Variants in BANK1 observed in about 807,000 individuals in gnomAD.
BANK1 encodes the protein B cell scaffold protein with ankyrin repeats 1, also known as B-cell scaffold protein with ankyrin repeats.
Under a neutral mutation model 94.5 loss-of-function variants are expected in BANK1, and 95 were observed. The observed-to-expected ratio is 1.00, with a 90% confidence interval of 0.85 to 1.19. The LOEUF (loss-of-function observed/expected upper bound fraction) is 1.19. Among genes scored for constraint, BANK1 ranks in the 50% most tolerant of loss-of-function variants. The pLI is 0.00. For missense variants in BANK1, 987 were observed against 932.2 expected, an observed-to-expected ratio of 1.06 and a Z score of -0.77; for synonymous variants, 334 against 308.4, an observed-to-expected ratio of 1.08 and a Z score of -0.87.
chr4:101,983,514 A>G (rs975201763), intron 7 of BANK1, among the ~76,000 whole-genome samples: 1 of 152,140 alleles, frequency 6.6e-6, no homozygotes, highest in Admixed American at 6.6e-5. Flanking sequence ...TTAATGTAAT[A>G]AAGTGCTTAC....
At chr4:101,830,771 A>T (rs1422008916) in intron 2 of BANK1, among the ~76,000 whole-genome samples, 2 of 152,156 alleles carry the variant, frequency 1.3e-5, no homozygotes, top group African/African-American at 4.8e-5. Context: ...GCTAGGTGTG[A>T]AAGGGGTGCT....
chr4:101,923,408 C>T (rs1723063198), intron 7 of BANK1, among the ~76,000 whole-genome samples: 1 of 151,688 alleles, frequency 6.6e-6, no homozygotes, highest in Admixed American at 6.6e-5. Context: ...ACTAAAGCTG[C>T]TCTGTCAAAA....
At chr4:101,829,456 GC>G (rs1726516412) in intron 1 of BANK1, among the ~76,000 whole-genome samples, 2 of 151,108 alleles carry the variant, frequency 1.3e-5, no homozygotes, top group South Asian at 4.2e-4. Context: ...AAAATATCAA[GC>G]TTTTCTTTTG....
At chr4:101,993,480 G>T (rs1214086513) in intron 7 of BANK1, among the ~76,000 whole-genome samples, 1 of 152,156 alleles carries the variant, frequency 6.6e-6, no homozygotes, top group African/African-American at 2.4e-5. Flanking sequence ...TGGTAAACTG[G>T]GGCGTGGAGG....
intron 1 of BANK1, among the ~76,000 whole-genome samples, chr4:101,815,019 G>A (rs1213635002): frequency 6.6e-6 from 1 of 152,130 alleles, no homozygotes; most frequent in Non-Finnish European, 1.5e-5. Flanking sequence ...GAGTTGTTAA[G>A]CAGTATTAAG....
At chr4:101,864,815 G>A (rs1318849281) in intron 4 of BANK1, among the ~76,000 whole-genome samples, 1 of 152,176 alleles carries the variant, frequency 6.6e-6, no homozygotes, top group African/African-American at 2.4e-5. Flanking sequence ...CAGGCTTGAG[G>A]GGAGGAGGAC....
chr4:102,027,958 A>G (rs889956166), intron 9 of BANK1, among the ~76,000 whole-genome samples: 2 of 152,178 alleles, frequency 1.3e-5, no homozygotes, highest in African/African-American at 2.4e-5. Context: ...TCTTGACCCA[A>G]TTACTTCAAA....
chr4:101,904,974 A>G (rs1187749402), intron 6 of BANK1, among the ~76,000 whole-genome samples: 2 of 152,216 alleles, frequency 1.3e-5, no homozygotes, highest in Non-Finnish European at 1.5e-5. Context: ...TTTATCAGTA[A>G]TTTGATTTAC....
chr4:101,842,604 T>G (rs1029433904), intron 2 of BANK1, among the ~76,000 whole-genome samples: 1 of 152,226 alleles, frequency 6.6e-6, no homozygotes. Flanking sequence ...AAAATAATTT[T>G]TAGGCTACTT....
chr4:102,032,020 A>T (rs1727336187), intron 10 of BANK1, among the ~76,000 whole-genome samples: 1 of 152,216 alleles, frequency 6.6e-6, no homozygotes, highest in African/African-American at 2.4e-5. Flanking sequence ...TGTCTAGATT[A>T]TAGATTATAA....
intron 7 of BANK1, among the ~76,000 whole-genome samples, chr4:101,987,716 CTG>C (rs1203227591): frequency 6.6e-6 from 1 of 152,136 alleles, no homozygotes; most frequent in Non-Finnish European, 1.5e-5. Context: ...TATTCTACCT[CTG>C]TTATCTTACT....
chr4:101,947,562 A>G (rs1723980604), intron 7 of BANK1, among the ~76,000 whole-genome samples: 1 of 151,674 alleles, frequency 6.6e-6, no homozygotes, highest in African/African-American at 2.4e-5. Context: ...ATTATTTTAC[A>G]TTATCTTTCC....
In BANK1 at chr4:101,829,745, G is replaced by A. The variant is rs1726529175; in HGVS notation, c.71-63G>A. 4 of 1,160,722 alleles carry A rather than the reference G, an allele frequency of 3.4e-6. No homozygotes were observed. The Admixed American group carries it at 9.5e-5, about 27-fold the overall frequency. 71.9% of individuals were successfully genotyped at this position (1,160,722 alleles called of 1,614,324 possible). On this transcript the variant is annotated intron_variant, in intron 1 of 16. Transcript: ENST00000322953. ...CTAGTGAGCATATTAAAATTTTTGA[G>A]AAATAATAATTTAACCTGCTGATAG...
intron 1 of BANK1, among the ~76,000 whole-genome samples, chr4:101,792,470 T>TGTGTG (rs1491125013): frequency 4.9e-4 from 20 of 41,126 alleles, no homozygotes; most frequent in East Asian, 1.7e-3. Context: ...TGTGTGTGTG[T>TGTGTG]TTTTTTTTTT....
At chr4:101,800,550 A>G (rs917815069) in intron 1 of BANK1, among the ~76,000 whole-genome samples, 6 of 152,100 alleles carry the variant, frequency 3.9e-5, no homozygotes, top group Non-Finnish European at 8.8e-5. Flanking sequence ...CATTCTCGTT[A>G]AAATCCTGTT....
At chr4:101,997,857 T>TA (rs1262593727) in intron 7 of BANK1, among the ~76,000 whole-genome samples, 9 of 152,022 alleles carry the variant, frequency 5.9e-5, no homozygotes, top group South Asian at 2.1e-4. Flanking sequence ...GCTAATTTTT[T>TA]AAAAAAACCA....
chr4:101,960,376 A>G (rs2148918692), intron 7 of BANK1, among the ~76,000 whole-genome samples: 1 of 152,224 alleles, frequency 6.6e-6, no homozygotes, highest in Middle Eastern at 3.4e-3. Context: ...CAAAAACAGT[A>G]AGAATGACTG....
intron 2 of BANK1, among the ~76,000 whole-genome samples, chr4:101,844,819 C>T (rs1003318879): frequency 6.6e-6 from 1 of 152,108 alleles, no homozygotes; most frequent in Non-Finnish European, 1.5e-5. Flanking sequence ...ACTTTTACAC[C>T]AACCCCAAAC....
At chr4:102,038,412 A>G (rs1451582656) in intron 10 of BANK1, among the ~76,000 whole-genome samples, 1 of 152,164 alleles carries the variant, frequency 6.6e-6, no homozygotes, top group Non-Finnish European at 1.5e-5. Flanking sequence ...ATGTTACTAG[A>G]GTTATGTCCA....
Sources: gnomAD v4.1 joint callset for allele counts (sites outside exome capture counted in the v4.1 genomes callset) on GRCh38, gnomAD v4.1.1 for gene constraint, MANE v1.5 for transcripts, NCBI Gene and HGNC (gene_info 2026-07-23, HGNC 2026-07-21) for gene names.